Variants in ITCH observed in about 807,000 individuals in gnomAD.
The protein encoded by ITCH is itchy E3 ubiquitin protein ligase.
ITCH carries 28 observed loss-of-function variants against 126.8 expected under a neutral mutation model. The ratio of observed to expected loss-of-function variants is 0.22; its 90% CI spans 0.16 to 0.30. ITCH has a LOEUF of 0.30. Among genes scored for constraint, ITCH ranks in the 10% least tolerant of loss-of-function variants. ITCH has a pLI of 1.00. For missense variants in ITCH, 631 were observed against 1,032.4 expected (o/e 0.61, Z 5.33); for synonymous variants, 342 against 340.0 (o/e 1.01, Z -0.06).
intron 23 of ITCH, among the ~76,000 whole-genome samples, chr20:34,498,635 T>C (rs1465723378): frequency 6.6e-6 from 1 of 152,218 alleles, no homozygotes; most frequent in African/African-American, 2.4e-5. Flanking sequence ...TTATGTTCAT[T>C]GATTTGTATA....
chr20:34,403,616 T>A (rs1191334211), intron 3 of ITCH, among the ~76,000 whole-genome samples: 1 of 152,122 alleles, frequency 6.6e-6, no homozygotes, highest in African/African-American at 2.4e-5. Context: ...ATCAAGAGGC[T>A]CACGGGGTGA....
At chr20:34,476,161 G>A (rs1988197297) in intron 16 of ITCH, 5 of 805,148 alleles carry the variant, frequency 6.2e-6, no homozygotes, top group South Asian at 5.3e-5. Context: ...TCCCTCACAT[G>A]CACCAAAGCC....
At chr20:34,419,955 G>A (rs1980538440) in intron 6 of ITCH, among the ~76,000 whole-genome samples, 1 of 151,680 alleles carries the variant, frequency 6.6e-6, no homozygotes, top group African/African-American at 2.4e-5. Context: ...GTGATACATT[G>A]AACATTTTTG....
intron 2 of ITCH, chr20:34,384,279 C>CT (rs35124886): frequency 0.66 from 68,462 of 103,840 alleles, 23,351 homozygotes; most frequent in Admixed American, 0.73. Context: ...GCCTGTAATT[C>CT]TTTTTTTTTT....
intron 16 of ITCH, among the ~76,000 whole-genome samples, chr20:34,474,579 G>C (rs1261856277): frequency 6.6e-6 from 1 of 152,176 alleles, no homozygotes; most frequent in Non-Finnish European, 1.5e-5. Flanking sequence ...GCACAGACAC[G>C]GCAACCATCC....
intron 6 of ITCH, chr20:34,417,206 C>T: frequency 1.5e-6 from 1 of 671,402 alleles, no homozygotes. Context: ...AAGTGATTCT[C>T]CTATCTCAGC....
chr20:34,409,100 T>G (rs1222869044), intron 4 of ITCH, among the ~76,000 whole-genome samples: 1 of 151,866 alleles, frequency 6.6e-6, no homozygotes, highest in East Asian at 1.9e-4. Flanking sequence ...TGGCAGCACT[T>G]TTTATTAACT....
rs114791733 is a variant in ITCH, at chr20:34,419,745, T to G, written c.476-4735T>G. ...TCTCCGCTCGCTGCAAGCTCCGCCTTGCCGGTTCACGCCATTCTCCTGCCT... is the reference window on the plus strand; with the variant it reads ...TCTCCGCTCGCTGCAAGCTCCGCCTGGCCGGTTCACGCCATTCTCCTGCCT... On this transcript the variant is annotated intron_variant, in intron 6 of 24. Coordinates refer to ENST00000374864, the MANE Select transcript of ITCH (RefSeq NM_031483.7). 9.1e-3 allele frequency among the ~76,000 whole-genome samples: 1,391 copies of G among 152,286 alleles called. 20 individuals carry two copies. Among genetic ancestry groups the G allele is most frequent in the African/African-American group, 0.032 (1,315 of 41,560 alleles).
intron 4 of ITCH, among the ~76,000 whole-genome samples, chr20:34,412,308 A>T (rs1233551392): frequency 1.3e-5 from 2 of 152,372 alleles, no homozygotes; most frequent in South Asian, 4.1e-4. Flanking sequence ...TCTGTAGTTC[A>T]ACTGCAAGTG....
chr20:34,454,821 T>G (rs1332411746), intron 12 of ITCH, among the ~76,000 whole-genome samples: 1 of 37,982 alleles, frequency 2.6e-5, no homozygotes, highest in African/African-American at 8.4e-5. Flanking sequence ...TTTCCTGTTT[T>G]TTTTTTTTTT....
chr20:34,420,215 T>C (rs891945134), intron 6 of ITCH, among the ~76,000 whole-genome samples: 2 of 152,228 alleles, frequency 1.3e-5, no homozygotes, highest in African/African-American at 4.8e-5. Flanking sequence ...CAGATCTTTC[T>C]TGTCACCTTA....
At chr20:34,495,296 T>A (rs1206759696) in intron 23 of ITCH, among the ~76,000 whole-genome samples, 24 of 121,914 alleles carry the variant, frequency 2.0e-4, no homozygotes, top group African/African-American at 4.6e-4. Flanking sequence ...ATAAATAAAA[T>A]ATATATATAT....
chr20:34,477,515 G>A (rs1988345504), intron 16 of ITCH, among the ~76,000 whole-genome samples: 1 of 152,124 alleles, frequency 6.6e-6, no homozygotes, highest in South Asian at 2.1e-4. Context: ...GGCAACGAGG[G>A]AGAGACTGTC....
In ITCH at chr20:34,412,641, T is replaced by C; in HGVS notation, c.337+2T>C. The C allele has an allele frequency of 6.2e-7, 1 of 1,604,776 alleles. No homozygotes were observed. The highest frequency in any genetic ancestry group is 1.1e-5 in the South Asian group (1 of 90,868). Reference sequence around the variant, plus strand: ...CATTAAAGTCAAACAATATGAAACGTATGTATGTAAGACTAATAGAAATTG... The same window carrying C: ...CATTAAAGTCAAACAATATGAAACGCATGTATGTAAGACTAATAGAAATTG... On this transcript the variant is annotated splice_donor_variant, in intron 5 of 24. Transcript: ENST00000374864. LOFTEE classifies it high-confidence loss of function.
At chr20:34,410,382 GAGAA>G (rs774479284) in intron 4 of ITCH, among the ~76,000 whole-genome samples, 8 of 91,714 alleles carry the variant, frequency 8.7e-5, no homozygotes, top group Non-Finnish European at 1.5e-4. Flanking sequence ...TCAAAAAAGA[GAGAA>G]AAAAAAAAAA....
At chr20:34,500,023 T>C (rs1335164475) in intron 23 of ITCH, among the ~76,000 whole-genome samples, 1 of 152,194 alleles carries the variant, frequency 6.6e-6, no homozygotes, top group East Asian at 1.9e-4. Flanking sequence ...TCTTACTCCA[T>C]TGTGTTCAGA....
chr20:34,424,865 T>C (rs1216405318), intron 7 of ITCH, among the ~76,000 whole-genome samples: 1 of 152,186 alleles, frequency 6.6e-6, no homozygotes, highest in Non-Finnish European at 1.5e-5. Context: ...GCTTTACACA[T>C]ATGTGAAGGT....
At chr20:34,407,660 A>G (rs573576607) in intron 3 of ITCH, among the ~76,000 whole-genome samples, 2 of 152,162 alleles carry the variant, frequency 1.3e-5, no homozygotes, top group South Asian at 4.2e-4. Flanking sequence ...ACTTTCCCTC[A>G]GATATGCCAT....
intron 23 of ITCH, among the ~76,000 whole-genome samples, chr20:34,502,437 A>G (rs1243960413): frequency 6.6e-6 from 1 of 152,048 alleles, no homozygotes; most frequent in Non-Finnish European, 1.5e-5. Context: ...GTGACCAGGT[A>G]CAGTGACTCA....
Sources: gnomAD v4.1 joint callset for allele counts (sites outside exome capture counted in the v4.1 genomes callset) on GRCh38, gnomAD v4.1.1 for gene constraint, MANE v1.5 for transcripts, NCBI Gene and HGNC (gene_info 2026-07-23, HGNC 2026-07-21) for gene names.